The following EFCAB5 variants were observed in gnomAD, a reference collection of about 807,000 sequenced individuals.
EFCAB5 encodes EF-hand calcium-binding domain-containing protein 5.
Under a neutral mutation model 167.9 loss-of-function variants are expected in EFCAB5, and 131 were observed. That is an observed-to-expected ratio of 0.78 (90% confidence interval 0.68 to 0.90). EFCAB5 has a LOEUF of 0.90. Among genes scored for constraint, EFCAB5 ranks in the 40% least tolerant of loss-of-function variants. The probability of loss-of-function intolerance (pLI) is 0.00; values close to 1 mark genes in which losing one functional copy is unlikely to be tolerated. For missense variants in EFCAB5, 1,663 were observed against 1,745.2 expected (o/e 0.95, Z 0.84); for synonymous variants, 574 against 602.8 (o/e 0.95, Z 0.70).
At chr17:29,973,723 G>A (rs1328104229) in intron 4 of EFCAB5, among the ~76,000 whole-genome samples, 2 of 151,022 alleles carry the variant, frequency 1.3e-5, no homozygotes, top group Admixed American at 6.6e-5. Context: ...TGATCCACCC[G>A]CCTCGGCCTC....
chr17:30,013,015 G>C (rs1048793884), intron 7 of EFCAB5, among the ~76,000 whole-genome samples: 7 of 152,286 alleles, frequency 4.6e-5, no homozygotes, highest in East Asian at 3.9e-4. Flanking sequence ...TAGCACAAAG[G>C]CTGTTGAATT....
chr17:29,943,040 A>AT, intron 2 of EFCAB5, among the ~76,000 whole-genome samples: 1 of 74,420 alleles, frequency 1.3e-5, no homozygotes, highest in Non-Finnish European at 3.1e-5. Flanking sequence ...TGCATCTCCA[A>AT]AATATATATA....
chr17:30,048,491 C>CT (rs748404709), intron 8 of EFCAB5, among the ~76,000 whole-genome samples: 4,499 of 142,758 alleles, frequency 0.032, 73 homozygotes, highest in Non-Finnish European at 0.039. Context: ...GAGGATACTT[C>CT]TTTTTTTTTT....
chr17:29,998,100 A>T (rs1194840948), intron 6 of EFCAB5, among the ~76,000 whole-genome samples: 1 of 152,166 alleles, frequency 6.6e-6, no homozygotes, highest in Non-Finnish European at 1.5e-5. Context: ...TAAAAATAAA[A>T]TATGCTTCCC....
Position 29,950,485 on chromosome 17 carries a change from C to T in EFCAB5, c.190+6836C>T, listed in dbSNP as rs189409245. 7.2e-5 allele frequency: 11 copies of T among 152,602 alleles called. 1 individual carries two copies. In the East Asian group the frequency reaches 2.1e-3, roughly 29 times the overall value. 9.5% of individuals were successfully genotyped at this position (152,602 alleles called of 1,614,324 possible). Reference sequence around the variant, plus strand: ...CTCCTGGGCTCAAGGGATCCTCCTGCCTCAGCCTCCTGAGCAGCTGGGACT... The same window carrying T: ...CTCCTGGGCTCAAGGGATCCTCCTGTCTCAGCCTCCTGAGCAGCTGGGACT... On this transcript the variant is annotated intron_variant, in intron 3 of 22. Transcript: ENST00000394835.
At chr17:30,040,459 C>T (rs1256161314) in intron 8 of EFCAB5, among the ~76,000 whole-genome samples, 2 of 152,150 alleles carry the variant, frequency 1.3e-5, no homozygotes, top group Non-Finnish European at 2.9e-5. Context: ...TAGAGTGGTA[C>T]TTATGCTCTA....
intron 4 of EFCAB5, among the ~76,000 whole-genome samples, chr17:29,977,024 T>G (rs886799050): frequency 6.6e-6 from 1 of 152,162 alleles, no homozygotes; most frequent in Admixed American, 6.5e-5. Flanking sequence ...AAAGTGGACT[T>G]TAATTCTTAC....
chr17:30,010,424 CA>C (rs1165529090), intron 7 of EFCAB5, among the ~76,000 whole-genome samples: 3 of 152,212 alleles, frequency 2.0e-5, no homozygotes, highest in African/African-American at 7.2e-5. Flanking sequence ...CTCCTACCAA[CA>C]GTGTAAAAGT....
chr17:30,012,858 G>A (rs2068939785), intron 7 of EFCAB5, among the ~76,000 whole-genome samples: 1 of 152,202 alleles, frequency 6.6e-6, no homozygotes, highest in Admixed American at 6.5e-5. Context: ...GGAGTGGTGA[G>A]AGAGGGCATC....
At chr17:30,030,666 CTTT>C (rs751675995) in intron 7 of EFCAB5, among the ~76,000 whole-genome samples, 1 of 142,232 alleles carries the variant, frequency 7.0e-6, no homozygotes. Flanking sequence ...TTAACTAATT[CTTT>C]TTTTTTTTTT....
chr17:29,972,543 G>A, intron 4 of EFCAB5: 1 of 152,656 alleles, frequency 6.6e-6, no homozygotes, highest in South Asian at 2.1e-4. Context: ...TGCCGGGCCT[G>A]CTGTACGACC....
At chr17:30,056,183 T>G in intron 12 of EFCAB5, 27 bp downstream of exon 12, 3 of 1,569,726 alleles carry the variant, frequency 1.9e-6, no homozygotes, top group Non-Finnish European at 2.6e-6. Flanking sequence ...AAAGTAGGAA[T>G]AGATGGCAGT....
At chr17:30,013,387 C>T (rs910514569) in intron 7 of EFCAB5, among the ~76,000 whole-genome samples, 1 of 152,132 alleles carries the variant, frequency 6.6e-6, no homozygotes, top group African/African-American at 2.4e-5. Flanking sequence ...GTACCAGCTC[C>T]TCTTTGTACC....
At chr17:29,957,336 T>C (rs2067637384) in intron 3 of EFCAB5, among the ~76,000 whole-genome samples, 1 of 152,096 alleles carries the variant, frequency 6.6e-6, no homozygotes, top group Non-Finnish European at 1.5e-5. Context: ...TTTATTTTAT[T>C]TTAAGTTCCA....
chr17:30,101,190 T>G (rs998895012), intron 22 of EFCAB5, among the ~76,000 whole-genome samples: 1 of 152,238 alleles, frequency 6.6e-6, no homozygotes, highest in African/African-American at 2.4e-5. Flanking sequence ...AGAGGAACGA[T>G]ATGACCTATG....
chr17:30,092,742 A>G, intron 21 of EFCAB5, 98 bp from the exon 22 acceptor site: 1 of 789,922 alleles, frequency 1.3e-6, no homozygotes, highest in Non-Finnish European at 2.0e-6. Flanking sequence ...TGCCTATTTT[A>G]AAATCTATAT....
intron 14 of EFCAB5, among the ~76,000 whole-genome samples, chr17:30,060,087 T>A (rs1412307381): frequency 6.6e-6 from 1 of 152,228 alleles, no homozygotes; most frequent in Non-Finnish European, 1.5e-5. Flanking sequence ...GTGGAATATG[T>A]TGCAGAATGC....
In EFCAB5 at chr17:30,037,063, G is replaced by C. The variant is rs1380657957; in HGVS notation, c.1200+2678G>C. On this transcript the variant is annotated intron_variant, in intron 8 of 22. Transcript: ENST00000394835. ...CCAGGTAGGTTGAGAGGAAATTTAA[G>C]AACAGCAGGCACTTACACTTCATTT... Among the ~76,000 whole-genome samples, 6 of 152,156 alleles carry C rather than the reference G, an allele frequency of 3.9e-5. No homozygotes were observed. In the East Asian group the frequency reaches 7.7e-4, roughly 20 times the overall value.
chr17:29,992,159 C>A (rs569203971), intron 4 of EFCAB5, among the ~76,000 whole-genome samples: 2 of 152,222 alleles, frequency 1.3e-5, no homozygotes, highest in East Asian at 3.9e-4. Flanking sequence ...GCCTCTGTAA[C>A]CACCATTCTA....
Sources: allele counts gnomAD v4.1 joint callset (sites outside exome capture counted in the v4.1 genomes callset), GRCh38; gene constraint gnomAD v4.1.1; transcripts MANE v1.5; gene names NCBI Gene and HGNC (gene_info 2026-07-23, HGNC 2026-07-21).